The following TTC39C variants were observed in gnomAD, a reference collection of about 807,000 sequenced individuals.
TTC39C encodes the protein tetratricopeptide repeat protein 39C.
A neutral mutation model predicts 76.3 loss-of-function variants in TTC39C; 33 were observed. The ratio of observed to expected loss-of-function variants is 0.43; its 90% CI spans 0.33 to 0.58. The LOEUF is 0.58. TTC39C is among the 20% of genes least tolerant of loss of function. The pLI, the probability that TTC39C is intolerant of heterozygous loss-of-function variation, is 0.04. For missense variants in TTC39C, 595 were observed against 701.4 expected (o/e 0.85, Z 1.71); for synonymous variants, 254 against 260.6 (o/e 0.97, Z 0.24).
At chr18:24,065,333 A>T (rs1453287282) in intron 2 of TTC39C, among the ~76,000 whole-genome samples, 2 of 152,228 alleles carry the variant, frequency 1.3e-5, no homozygotes, top group African/African-American at 2.4e-5. Flanking sequence ...ATCCCGCAGC[A>T]AGTCTGTCTC....
chr18:24,042,284 G>A (rs1306712984), intron 1 of TTC39C, among the ~76,000 whole-genome samples: 5 of 152,174 alleles, frequency 3.3e-5, no homozygotes, highest in Admixed American at 6.5e-5. Flanking sequence ...CTGGTTTCAT[G>A]GGTGACAGTT....
intron 11 of TTC39C, 24 bp from the exon 12 acceptor site, chr18:24,130,289 C>A: frequency 7.5e-7 from 1 of 1,334,022 alleles, no homozygotes; most frequent in Non-Finnish European, 1.1e-6. Context: ...TGAATTCATC[C>A]AATAACATTT....
chr18:24,108,685 GA>G (rs2084775833), intron 6 of TTC39C, among the ~76,000 whole-genome samples: 1 of 152,152 alleles, frequency 6.6e-6, no homozygotes, highest in African/African-American at 2.4e-5. Flanking sequence ...TAATTGTGTG[GA>G]AAATGTCACC....
intron 6 of TTC39C, 58 bp downstream of exon 6, chr18:24,083,139 C>A: frequency 6.6e-7 from 1 of 1,521,604 alleles, no homozygotes; most frequent in Non-Finnish European, 8.9e-7. Flanking sequence ...ATCTCTGATT[C>A]TCACTTGAGG....
chr18:24,132,084 G>A (rs2085137683), intron 13 of TTC39C, among the ~76,000 whole-genome samples, 164 bp downstream of exon 13: 1 of 152,068 alleles, frequency 6.6e-6, no homozygotes, highest in African/African-American at 2.4e-5. Context: ...GAGTTTTAAG[G>A]GACATTACAA....
At chr18:24,012,308 T>C (rs1358856423), upstream of TTC39C, among the ~76,000 whole-genome samples, 1 of 152,230 alleles carries the variant, frequency 6.6e-6, no homozygotes, top group Non-Finnish European at 1.5e-5. Flanking sequence ...GTTATCCCTC[T>C]ATCCACGCCA....
chr18:24,051,303 T>C (rs574553679), intron 1 of TTC39C, among the ~76,000 whole-genome samples: 4 of 152,304 alleles, frequency 2.6e-5, no homozygotes, highest in African/African-American at 9.6e-5. Flanking sequence ...TATTACGAAG[T>C]CTTTTTGCTG....
At chr18:24,014,511 A>C, upstream of TTC39C, 4 of 165,512 alleles carry the variant, frequency 2.4e-5, no homozygotes, top group Non-Finnish European at 5.2e-5. Flanking sequence ...GGCTGCAGGA[A>C]GTGGAGGCGG....
chr18:24,078,989 C>G (rs911936493), intron 4 of TTC39C, among the ~76,000 whole-genome samples: 12 of 152,154 alleles, frequency 7.9e-5, no homozygotes, highest in African/African-American at 2.2e-4. Flanking sequence ...ACTCTCAATT[C>G]CGGGATTGGG....
chr18:24,071,073 C>T (rs2084235229), intron 4 of TTC39C, among the ~76,000 whole-genome samples: 2 of 151,914 alleles, frequency 1.3e-5, no homozygotes, highest in Non-Finnish European at 2.9e-5. Context: ...GGATTACAGG[C>T]GCCCACCACC....
intron 1 of TTC39C, among the ~76,000 whole-genome samples, chr18:24,027,559 C>CTT (rs1205765107): frequency 7.4e-5 from 10 of 134,450 alleles, no homozygotes; most frequent in Non-Finnish European, 9.7e-5. Flanking sequence ...TCTGAGGTGA[C>CTT]TTTTTTTTTT....
chr18:24,014,051 G>C (rs2083414253), upstream of TTC39C, among the ~76,000 whole-genome samples: 1 of 152,366 alleles, frequency 6.6e-6, no homozygotes, highest in South Asian at 2.1e-4. Context: ...GGGTGGTACC[G>C]GGATCCGAGG....
At chr18:24,105,024 C>T (rs1478967397) in intron 6 of TTC39C, among the ~76,000 whole-genome samples, 6 of 151,338 alleles carry the variant, frequency 4.0e-5, no homozygotes, top group Non-Finnish European at 8.8e-5. Flanking sequence ...AAATAAACTT[C>T]TGTATTGTAA....
At chr18:24,044,052 TTGTGTGTG>T (rs56233680) in intron 1 of TTC39C, among the ~76,000 whole-genome samples, 23,258 of 147,238 alleles carry the variant, frequency 0.16, 2,496 homozygotes, top group East Asian at 0.54. Context: ...TTGTGTATGT[TTGTGTGTG>T]TGTGTGTGTG....
intron 6 of TTC39C, among the ~76,000 whole-genome samples, chr18:24,098,479 CCCTT>C: frequency 2.1e-5 from 2 of 93,908 alleles, no homozygotes; most frequent in African/African-American, 4.8e-5. Context: ...TTTCTCCTCT[CCCTT>C]CCCTCTCCTC....
In TTC39C at chr18:24,077,429, A is replaced by C. The variant is rs775040572; in HGVS notation, c.461-3156A>C. ...TATTTAGTGACAGAAAAAGGAGATA[A>C]AAAAGAACAATTCACTCATCATCTC... On this transcript the variant is annotated intron_variant, in intron 4 of 13. Transcript: ENST00000317571. Among the ~76,000 whole-genome samples, 17 of 152,230 alleles carry C rather than the reference A, an allele frequency of 1.1e-4. 1 individual carries two copies. The highest frequency in any genetic ancestry group is 6.5e-4 in the Admixed American group (10 of 15,280).
intron 1 of TTC39C, among the ~76,000 whole-genome samples, chr18:23,998,422 CA>C (rs2083285585): frequency 6.6e-6 from 1 of 152,098 alleles, no homozygotes; most frequent in Non-Finnish European, 1.5e-5. Flanking sequence ...CCATCCTGGC[CA>C]ACATGGTGAG....
chr18:24,014,706 C>G, upstream of TTC39C: 1 of 1,058,874 alleles, frequency 9.4e-7, no homozygotes, highest in African/African-American at 1.7e-5. Flanking sequence ...GCGGCTCCTC[C>G]CTCCGCGGTC....
intron 4 of TTC39C, among the ~76,000 whole-genome samples, chr18:24,078,672 T>C (rs2084337901): frequency 6.6e-6 from 1 of 152,184 alleles, no homozygotes; most frequent in Admixed American, 6.5e-5. Context: ...ACAAATGAAA[T>C]GTCACTAACC....
Sources: allele counts gnomAD v4.1 joint callset (sites outside exome capture counted in the v4.1 genomes callset), GRCh38; gene constraint gnomAD v4.1.1; transcripts MANE v1.5; gene names NCBI Gene and HGNC (gene_info 2026-07-23, HGNC 2026-07-21).